The following PLXDC2 variants were observed in gnomAD, a reference collection of about 807,000 sequenced individuals.
PLXDC2 encodes plexin domain containing 2, also known as plexin domain-containing protein 2.
In PLXDC2, 40 loss-of-function variants were observed where a neutral mutation model predicts 68.9. That is an observed-to-expected ratio of 0.58 (90% CI 0.45 to 0.76). PLXDC2 has a LOEUF of 0.76. Ranked by LOEUF, PLXDC2 falls within the 30% of genes least tolerant of loss-of-function variation. The probability of loss-of-function intolerance (pLI) is 0.00; values close to 1 mark genes in which losing one functional copy is unlikely to be tolerated. For synonymous variants in PLXDC2, 243 were observed against 234.2 expected, an observed-to-expected ratio of 1.04 and a Z score of -0.34; for missense variants, 644 against 661.9, an observed-to-expected ratio of 0.97 and a Z score of 0.30.
intron 6 of PLXDC2, among the ~76,000 whole-genome samples, chr10:20,151,616 T>C (rs1335482602): frequency 2.6e-5 from 4 of 152,288 alleles, no homozygotes; most frequent in Middle Eastern, 3.4e-3. Flanking sequence ...CTATGTCTCA[T>C]TTGTCTTTCC....
chr10:20,110,672 C>T (rs985781106), intron 4 of PLXDC2, among the ~76,000 whole-genome samples: 1 of 152,198 alleles, frequency 6.6e-6, no homozygotes. Flanking sequence ...CTTGTGCCCC[C>T]ACACTGTTCC....
At chr10:19,836,912 A>C (rs1422226402) in intron 1 of PLXDC2, among the ~76,000 whole-genome samples, 1 of 152,190 alleles carries the variant, frequency 6.6e-6, no homozygotes, top group East Asian at 1.9e-4. Context: ...TCCCTTGCAC[A>C]TATTAGGTAC....
At chr10:19,843,112 C>T (rs570617990) in intron 1 of PLXDC2, among the ~76,000 whole-genome samples, 59 of 147,654 alleles carry the variant, frequency 4.0e-4, no homozygotes, top group African/African-American at 1.5e-3. Flanking sequence ...CAACGATCTG[C>T]CACTGTATCT....
At chr10:20,189,124 C>T (rs1278133380) in intron 9 of PLXDC2, among the ~76,000 whole-genome samples, 1 of 76,322 alleles carries the variant, frequency 1.3e-5, no homozygotes, top group African/African-American at 3.2e-5. Flanking sequence ...TTATTTTTAC[C>T]TCCTTTTAAG....
intron 6 of PLXDC2, among the ~76,000 whole-genome samples, chr10:20,158,770 C>T (rs1422593298): frequency 6.6e-6 from 1 of 151,720 alleles, no homozygotes; most frequent in Non-Finnish European, 1.5e-5. Flanking sequence ...GACAGAGGAC[C>T]CTGCAGACTG....
chr10:19,833,123 A>G (rs1447378879), intron 1 of PLXDC2, among the ~76,000 whole-genome samples: 2 of 152,212 alleles, frequency 1.3e-5, no homozygotes, highest in African/African-American at 4.8e-5. Context: ...AAAAAAGGGC[A>G]GGGCAAGGCA....
intron 1 of PLXDC2, among the ~76,000 whole-genome samples, chr10:19,980,325 CTAAT>C (rs1834532066): frequency 6.6e-6 from 1 of 152,168 alleles, no homozygotes; most frequent in Admixed American, 6.5e-5. Context: ...CTCCCAGAAA[CTAAT>C]TAACTGCTAA....
At chr10:20,098,836 G>T (rs943592830) in intron 4 of PLXDC2, among the ~76,000 whole-genome samples, 1 of 152,126 alleles carries the variant, frequency 6.6e-6, no homozygotes, top group African/African-American at 2.4e-5. Flanking sequence ...CCTCTGAAGG[G>T]AGCATTGGTA....
intron 9 of PLXDC2, among the ~76,000 whole-genome samples, chr10:20,182,924 C>G (rs776435967): frequency 1.3e-5 from 2 of 151,888 alleles, no homozygotes; most frequent in Non-Finnish European, 2.9e-5. Context: ...TCAACTCCCC[C>G]TTATGAGTGA....
rs540242127 is a variant in PLXDC2 at position 20,039,814 on chromosome 10, A to T, written c.325-7055A>T. 3.9e-4 allele frequency among the ~76,000 whole-genome samples: 59 copies of T among 152,360 alleles called. 1 individual carries two copies. The highest frequency in any genetic ancestry group is 1.4e-3 in the African/African-American group (57 of 41,594). Reference sequence around the variant, plus strand: ...TTCCATCATCCAGAATTAACCAGTCAATATAAGGTAAATATCTTCCACCCA... The same window carrying T: ...TTCCATCATCCAGAATTAACCAGTCTATATAAGGTAAATATCTTCCACCCA... On this transcript the variant is annotated intron_variant, in intron 2 of 13. Transcript: ENST00000377252.
chr10:20,149,229 C>CTTTTTTTTTTTTTTTTT lies in PLXDC2; in HGVS notation c.783+1337_783+1353dup, dbSNP rs71200986. Among the ~76,000 whole-genome samples the CTTTTTTTTTTTTTTTTT allele has an allele frequency of 1.2e-3, 42 of 34,928 alleles. 3 individuals carry two copies. Among genetic ancestry groups the CTTTTTTTTTTTTTTTTT allele is most frequent in the African/African-American group, 2.8e-3 (24 of 8,422 alleles). The allele number at this position is 34,928 out of a possible 152,430, so 22.9% of individuals were successfully genotyped here. A position where few individuals can be genotyped will look rare whatever the true frequency, so the allele number is the denominator to read the frequency against. On this transcript the variant is annotated intron_variant, in intron 6 of 13. Transcript: ENST00000377252. ...ATTTTTCTTTCTTTTTTTTTCTTTT[C>CTTTTTTTTTTTTTTTTT]TTTTTTTTTTTTTTTTTTTTTTTTT...
chr10:20,221,477 A>G (rs1344484535), intron 12 of PLXDC2, among the ~76,000 whole-genome samples: 1 of 152,202 alleles, frequency 6.6e-6, no homozygotes, highest in Non-Finnish European at 1.5e-5. Flanking sequence ...TCTTATATCT[A>G]TGGTTGTTAA....
At chr10:19,964,741 G>GTT (rs140891892) in intron 1 of PLXDC2, among the ~76,000 whole-genome samples, 1 of 147,374 alleles carries the variant, frequency 6.8e-6, no homozygotes, top group Admixed American at 6.7e-5. Flanking sequence ...ATTTGTTTTT[G>GTT]TTTTTTTTTT....
At chr10:20,171,115 A>G (rs1303202617) in intron 7 of PLXDC2, among the ~76,000 whole-genome samples, 2 of 152,166 alleles carry the variant, frequency 1.3e-5, no homozygotes, top group African/African-American at 4.8e-5. Flanking sequence ...AGCTATAATG[A>G]AAATATGTGG....
intron 1 of PLXDC2, among the ~76,000 whole-genome samples, chr10:19,944,925 C>A (rs149692087): frequency 1.3e-5 from 2 of 152,176 alleles, no homozygotes; most frequent in East Asian, 3.9e-4. Flanking sequence ...GCACTCCAGC[C>A]GGGGCAACAA....
intron 1 of PLXDC2, among the ~76,000 whole-genome samples, chr10:19,995,844 A>G (rs147804643): frequency 9.2e-5 from 14 of 152,310 alleles, no homozygotes; most frequent in African/African-American, 3.4e-4. Context: ...GACAATATTG[A>G]GCTGAATCTT....
chr10:20,178,950 G>C (rs74123310), intron 9 of PLXDC2, among the ~76,000 whole-genome samples: 4,830 of 152,014 alleles, frequency 0.032, 271 homozygotes, highest in African/African-American at 0.11. Context: ...TAAAAGCAAA[G>C]GTTTCTGGTT....
intron 4 of PLXDC2, among the ~76,000 whole-genome samples, chr10:20,103,629 A>G (rs1212491068): frequency 1.4e-5 from 2 of 146,066 alleles, no homozygotes; most frequent in Non-Finnish European, 3.0e-5. Context: ...GGGAAGACAC[A>G]TCTTTTCTTT....
intron 4 of PLXDC2, among the ~76,000 whole-genome samples, chr10:20,072,270 G>A (rs947819103): frequency 3.3e-5 from 5 of 151,482 alleles, no homozygotes; most frequent in Admixed American, 2.0e-4. Flanking sequence ...CTCAGGAGGC[G>A]GCGACAGGAG....
Sources: allele counts gnomAD v4.1 joint callset (sites outside exome capture counted in the v4.1 genomes callset), GRCh38; gene constraint gnomAD v4.1.1; transcripts MANE v1.5; gene names NCBI Gene and HGNC (gene_info 2026-07-23, HGNC 2026-07-21).